Variants in PHAF1 observed in about 807,000 individuals in gnomAD.
PHAF1 encodes the protein phagophore assembly factor 1, also known as phagosome assembly factor 1.
In PHAF1, 23 loss-of-function variants were observed where a neutral mutation model predicts 63.1. That is an observed-to-expected ratio of 0.36 (90% CI 0.26 to 0.52). The LOEUF (loss-of-function observed/expected upper bound fraction) is 0.52. Among genes scored for constraint, PHAF1 ranks in the 20% least tolerant of loss-of-function variants. The pLI is 0.93. For synonymous variants in PHAF1, 167 were observed against 185.0 expected (o/e 0.90, Z 0.79); for missense variants, 427 against 517.2 (o/e 0.83, Z 1.69).
In PHAF1 at chr16:67,147,245, T is replaced by A. The variant is rs974365084; in HGVS notation, c.*114T>A. The A allele has an allele frequency of 3.0e-6, 3 of 1,004,552 alleles. No homozygotes were observed. The allele number at this position is 1,004,552 out of a possible 1,614,324, so 62.2% of individuals were successfully genotyped here. On this transcript the variant is annotated 3_prime_UTR_variant, in exon 16 of 16. Transcript: ENST00000219139. ...GGACACCTGGCCAGTGCTGAAGGGC[T>A]GTTGTGATGTTCTGAGGTTGGGCTC...
chr16:67,133,736 T>C (rs543460666), intron 6 of PHAF1, among the ~76,000 whole-genome samples: 2 of 149,542 alleles, frequency 1.3e-5, no homozygotes, highest in Non-Finnish European at 3.0e-5. Flanking sequence ...GCCGAGATCA[T>C]GCCACTGCAC....
chr16:67,131,188 T>G (rs1167817166), intron 3 of PHAF1, 98 bp from the exon 4 acceptor site: 15 of 502,696 alleles, frequency 3.0e-5, no homozygotes, highest in Non-Finnish European at 4.1e-5. Flanking sequence ...TAGTTTTTTT[T>G]TTTTTTTTTT....
At chr16:67,133,944 CA>C (rs1046935295) in intron 6 of PHAF1, among the ~76,000 whole-genome samples, 2 of 144,432 alleles carry the variant, frequency 1.4e-5, no homozygotes, top group South Asian at 2.2e-4. Flanking sequence ...GACTCCGTCT[CA>C]AAAAAAAAGA....
chr16:67,138,097 T>C (rs1963675096), intron 8 of PHAF1, among the ~76,000 whole-genome samples: 1 of 152,058 alleles, frequency 6.6e-6, no homozygotes, highest in South Asian at 2.1e-4. Flanking sequence ...TAATTATACC[T>C]GGATATACTT....
rs1275821459 is a variant in PHAF1 at position 67,134,280 on chromosome 16, C to A, written c.548+15C>A. 6.2e-7 allele frequency: 1 copy of A among 1,610,182 alleles called. No individual in the cohort carries two copies. Among genetic ancestry groups the A allele is most frequent in the African/African-American group, 1.3e-5 (1 of 74,830 alleles). On this transcript the variant is annotated intron_variant, in intron 7 of 15. Transcript: ENST00000219139. ...CAGGATACCAAGTAAGTATAAGGAGCATGAGTTTCTTGCTAAGGCCTGGGC... is the reference window on the plus strand; with the variant it reads ...CAGGATACCAAGTAAGTATAAGGAGAATGAGTTTCTTGCTAAGGCCTGGGC...
chr16:67,117,677 G>A (rs991712898), intron 1 of PHAF1, among the ~76,000 whole-genome samples: 21 of 151,194 alleles, frequency 1.4e-4, no homozygotes, highest in African/African-American at 4.6e-4. Flanking sequence ...GGAGAATGGC[G>A]TGAACCCAGG....
chr16:67,139,941 T>A (rs991254896), intron 8 of PHAF1, 43 bp from the exon 9 acceptor site: 1 of 1,612,892 alleles, frequency 6.2e-7, no homozygotes. Context: ...GGGTCTCTGG[T>A]CCTAACCATA....
At chr16:67,130,042 TTTTC>T (rs557950919) in intron 3 of PHAF1, among the ~76,000 whole-genome samples, 23 of 151,786 alleles carry the variant, frequency 1.5e-4, no homozygotes, top group Non-Finnish European at 2.5e-4. Context: ...AAATAAGCTA[TTTTC>T]TTTCTTTCTT....
chr16:67,110,306 C>T, intron 1 of PHAF1, 67 bp downstream of exon 1: 1 of 1,514,426 alleles, frequency 6.6e-7, no homozygotes, highest in Non-Finnish European at 9.0e-7. Flanking sequence ...CTCTTCCCAC[C>T]TGTTCTCAGT....
intron 3 of PHAF1, among the ~76,000 whole-genome samples, 164 bp downstream of exon 3, chr16:67,126,206 C>G (rs1290360591): frequency 6.6e-6 from 1 of 152,072 alleles, no homozygotes; most frequent in Non-Finnish European, 1.5e-5. Context: ...GCCTGTTCCC[C>G]TAAAAAGAGG....
chr16:67,146,279 T>G lies in PHAF1; in HGVS notation c.1111T>G (p.Ser371Ala). ...PVEKPVVLHR[S>A]SSPNNTNPFG... ...TAATTCTGAATTCTTTGGCCTCAGG[T>G]CTTCCTCCCCAAACAACACCAACCC... is the stretch of plus-strand genomic sequence containing the variant. The change falls in exon 15 of 16, where the codon TCT (serine) becomes GCT (alanine). Residue 371 changes from serine (S) to alanine (A), a missense_variant and splice_region_variant. Coordinates refer to ENST00000219139, the MANE Select transcript of PHAF1 (RefSeq NM_025187.5). 6.2e-7 allele frequency: 1 copy of G among 1,613,734 alleles called. No homozygotes were observed. The highest frequency in any genetic ancestry group is 8.5e-7 in the Non-Finnish European group (1 of 1,179,674).
intron 10 of PHAF1, among the ~76,000 whole-genome samples, chr16:67,143,959 A>T (rs1050463267): frequency 6.6e-6 from 1 of 151,838 alleles, no homozygotes; most frequent in Non-Finnish European, 1.5e-5. Flanking sequence ...AAAAACAGCC[A>T]GGCGTGGTGG....
At chr16:67,117,646 G>A (rs566548544) in intron 1 of PHAF1, among the ~76,000 whole-genome samples, 9 of 151,408 alleles carry the variant, frequency 5.9e-5, no homozygotes, top group Non-Finnish European at 1.3e-4. Flanking sequence ...GCGTGGTGGC[G>A]GGAGCCTGTG....
intron 15 of PHAF1, among the ~76,000 whole-genome samples, chr16:67,146,587 A>C (rs963298280): frequency 6.6e-6 from 1 of 152,266 alleles, no homozygotes; most frequent in Admixed American, 6.5e-5. Context: ...GTGTCCAACA[A>C]GATGGGAGGT....
At position 67,144,819 on chromosome 16, in the gene PHAF1, T is replaced by C. The variant is rs1681135031; in HGVS notation, c.963-15T>C. On this transcript the variant is annotated splice_polypyrimidine_tract_variant and intron_variant, in intron 11 of 15. Transcript: ENST00000219139. ...TCTAGGAGGCCCAGCCTTTACCCAT[T>C]TGCCTTCTCTCTAGTTATCATCGCT... The C allele has an allele frequency of 1.2e-6, 2 of 1,613,920 alleles. No homozygotes were observed. Among genetic ancestry groups the C allele is most frequent in the Non-Finnish European group, 1.7e-6 (2 of 1,179,876 alleles).
At chr16:67,128,578 C>T (rs921950698) in intron 3 of PHAF1, among the ~76,000 whole-genome samples, 1 of 152,208 alleles carries the variant, frequency 6.6e-6, no homozygotes, top group African/African-American at 2.4e-5. Flanking sequence ...AAGTCACAAC[C>T]TTTACAGCCA....
intron 1 of PHAF1, among the ~76,000 whole-genome samples, chr16:67,112,432 AG>A (rs1295766850): frequency 6.9e-6 from 1 of 145,176 alleles, no homozygotes; most frequent in African/African-American, 2.5e-5. Context: ...ACTACTCGGG[AG>A]GCTGAGATGG....
intron 7 of PHAF1, 34 bp from the exon 8 acceptor site, chr16:67,134,321 A>G (rs1356105818): frequency 6.2e-7 from 1 of 1,608,404 alleles, no homozygotes; most frequent in South Asian, 1.1e-5. Context: ...GGGAGAAAGA[A>G]CCAAGCCTCT....
Position 67,131,275 on chromosome 16 carries a change from C to CTT in PHAF1, c.232-4_232-3dup. The CTT allele has an allele frequency of 6.9e-7, 1 of 1,450,842 alleles. No homozygotes were observed. The highest frequency in any genetic ancestry group is 9.3e-7 in the Non-Finnish European group (1 of 1,079,690). The allele number at this position is 1,450,842 out of a possible 1,614,324, so 89.9% of individuals were successfully genotyped here. The stretch of plus-strand genomic sequence containing the variant: ...TTTCAGAGCATTGACAACTCTTAAA[C>CTT]TTTTTTTTAGGTGATCGAAGTATGT... On this transcript the variant is annotated splice_polypyrimidine_tract_variant and intron_variant, in intron 3 of 15. Transcript: ENST00000219139.
Sources: allele counts gnomAD v4.1 joint callset (sites outside exome capture counted in the v4.1 genomes callset), GRCh38; gene constraint gnomAD v4.1.1; transcripts MANE v1.5; gene names NCBI Gene and HGNC (gene_info 2026-07-23, HGNC 2026-07-21).